The following PELI2 variants were observed in gnomAD, a reference collection of about 807,000 sequenced individuals.
PELI2 encodes the protein E3 ubiquitin-protein ligase pellino homolog 2.
A neutral mutation model predicts 42.3 loss-of-function variants in PELI2; 23 were observed. The ratio of observed to expected loss-of-function variants is 0.54; its 90% CI spans 0.39 to 0.77. PELI2 has a LOEUF of 0.77. PELI2 is among the 30% of genes least tolerant of loss of function. The pLI is 0.00. For synonymous variants in PELI2, 245 were observed against 212.2 expected (o/e 1.15, Z -1.34); for missense variants, 463 against 553.2 (o/e 0.84, Z 1.64).
intron 1 of PELI2, among the ~76,000 whole-genome samples, chr14:56,144,084 C>G (rs1374736145): frequency 6.6e-6 from 1 of 152,138 alleles, no homozygotes; most frequent in African/African-American, 2.4e-5. Context: ...TCATACTGTA[C>G]TACCGCTGAT....
intron 2 of PELI2, among the ~76,000 whole-genome samples, chr14:56,212,712 G>A (rs1245694220): frequency 1.3e-5 from 2 of 152,204 alleles, no homozygotes; most frequent in African/African-American, 2.4e-5. Context: ...CATGCAGGGC[G>A]TTAAGACTCT....
intron 2 of PELI2, among the ~76,000 whole-genome samples, chr14:56,189,137 TGACA>T (rs1475326499): frequency 6.6e-6 from 1 of 152,130 alleles, no homozygotes; most frequent in African/African-American, 2.4e-5. Context: ...CCAGCCTGGG[TGACA>T]GAACGAAACT....
intron 2 of PELI2, among the ~76,000 whole-genome samples, chr14:56,191,731 T>C (rs1191853396): frequency 6.6e-6 from 1 of 152,258 alleles, no homozygotes; most frequent in Non-Finnish European, 1.5e-5. Context: ...AATCTGGCAA[T>C]CTAAACTATA....
At chr14:56,173,943 C>T (rs1458605821) in intron 1 of PELI2, among the ~76,000 whole-genome samples, 1 of 152,182 alleles carries the variant, frequency 6.6e-6, no homozygotes, top group Non-Finnish European at 1.5e-5. Flanking sequence ...GCTCTGTCGC[C>T]CAGGCTGGAG....
Position 56,240,496 on chromosome 14 carries a change from G to C in PELI2, c.208-39180G>C, listed in dbSNP as rs111764774. On this transcript the variant is annotated intron_variant, in intron 2 of 5. Coordinates refer to ENST00000267460, the MANE Select transcript of PELI2 (RefSeq NM_021255.3). ...ATAGTTTCGGTGCAGTTACGGGGGT[G>C]AATTGCCATATTTTAGATGGTTGGT... 1.3e-3 allele frequency among the ~76,000 whole-genome samples: 205 copies of C among 152,262 alleles called. 3 individuals are homozygous for C. Among genetic ancestry groups the C allele is most frequent in the African/African-American group, 4.7e-3 (195 of 41,542 alleles).
chr14:56,221,028 A>G (rs1267029035), intron 2 of PELI2, among the ~76,000 whole-genome samples: 1 of 152,218 alleles, frequency 6.6e-6, no homozygotes. Flanking sequence ...ATTCTGTGCC[A>G]TGGACAGCTG....
At chr14:56,279,883 T>C (rs1312678543) in intron 3 of PELI2, 106 bp downstream of exon 3, 10 of 469,810 alleles carry the variant, frequency 2.1e-5, no homozygotes, top group Non-Finnish European at 3.8e-6. Context: ...GGGGAAAGAG[T>C]TGAAGATAAT....
At chr14:56,128,114 A>T (rs1883345646) in intron 1 of PELI2, among the ~76,000 whole-genome samples, 1 of 152,188 alleles carries the variant, frequency 6.6e-6, no homozygotes, top group Non-Finnish European at 1.5e-5. Context: ...GGAATTAAGC[A>T]CTATCTAAAC....
At chr14:56,256,831 G>A (rs1888541878) in intron 2 of PELI2, among the ~76,000 whole-genome samples, 1 of 152,054 alleles carries the variant, frequency 6.6e-6, no homozygotes, top group South Asian at 2.1e-4. Context: ...CTTTTAAAGT[G>A]GCAGCTTTTT....
At chr14:56,202,380 TA>T (rs1886360362) in intron 2 of PELI2, among the ~76,000 whole-genome samples, 1 of 152,186 alleles carries the variant, frequency 6.6e-6, no homozygotes, top group Non-Finnish European at 1.5e-5. Flanking sequence ...CTAATGGCTT[TA>T]CACCTCCTCT....
At chr14:56,151,251 G>GC (rs1884340243) in intron 1 of PELI2, among the ~76,000 whole-genome samples, 1 of 152,040 alleles carries the variant, frequency 6.6e-6, no homozygotes, top group Admixed American at 6.6e-5. Flanking sequence ...CCCTCCCTCG[G>GC]CCCCCATTTA....
At chr14:56,136,518 A>G (rs1883693416) in intron 1 of PELI2, among the ~76,000 whole-genome samples, 1 of 152,208 alleles carries the variant, frequency 6.6e-6, no homozygotes, top group South Asian at 2.1e-4. Context: ...CATATGTGAT[A>G]TATCATTCTT....
chr14:56,182,826 A>T (rs1441728486), intron 2 of PELI2, among the ~76,000 whole-genome samples: 2 of 152,162 alleles, frequency 1.3e-5, no homozygotes, highest in Non-Finnish European at 2.9e-5. Context: ...TTTCAACATA[A>T]ACTCATTCAC....
rs551838333 is a variant in PELI2 at position 56,188,774 on chromosome 14, T to C, written c.207+10310T>C. On this transcript the variant is annotated intron_variant, in intron 2 of 5. Coordinates refer to ENST00000267460, the MANE Select transcript of PELI2 (RefSeq NM_021255.3). Reference sequence around the variant, plus strand: ...CTGAGTGAAAGTGTGGGCTTTCAAATGTAGATTTTTTGAATGTTTAGTTTC... The same window carrying C: ...CTGAGTGAAAGTGTGGGCTTTCAAACGTAGATTTTTTGAATGTTTAGTTTC... Among the ~76,000 whole-genome samples the C allele has an allele frequency of 2.0e-5, 3 of 152,334 alleles. No homozygotes were observed. In the East Asian group the frequency reaches 5.8e-4, roughly 29 times the overall value.
At chr14:56,207,792 G>C (rs552914431) in intron 2 of PELI2, among the ~76,000 whole-genome samples, 2 of 152,296 alleles carry the variant, frequency 1.3e-5, no homozygotes, top group East Asian at 3.9e-4. Context: ...AAGAGTGCCT[G>C]CATCCACAGG....
chr14:56,257,728 G>C (rs528844508), intron 2 of PELI2, among the ~76,000 whole-genome samples: 1 of 152,316 alleles, frequency 6.6e-6, no homozygotes, highest in Non-Finnish European at 1.5e-5. Flanking sequence ...CCTGAGAGAA[G>C]GGAAATAAGT....
At chr14:56,220,491 C>T (rs912648124) in intron 2 of PELI2, among the ~76,000 whole-genome samples, 3 of 151,988 alleles carry the variant, frequency 2.0e-5, no homozygotes, top group African/African-American at 7.3e-5. Flanking sequence ...CAATAGCTTC[C>T]CTGTGTTTTG....
chr14:56,185,518 C>T (rs1885741770), intron 2 of PELI2, among the ~76,000 whole-genome samples: 1 of 152,118 alleles, frequency 6.6e-6, no homozygotes, highest in African/African-American at 2.4e-5. Flanking sequence ...AGCAGCATAC[C>T]TACTTATCAT....
chr14:56,292,068 T>TTA (rs1334454656), intron 5 of PELI2, among the ~76,000 whole-genome samples: 1 of 152,224 alleles, frequency 6.6e-6, no homozygotes, highest in African/African-American at 2.4e-5. Context: ...TCCACTCTGG[T>TTA]TATTGTGTAA....
Sources: allele counts gnomAD v4.1 joint callset (sites outside exome capture counted in the v4.1 genomes callset), GRCh38; gene constraint gnomAD v4.1.1; transcripts MANE v1.5; gene names NCBI Gene and HGNC (gene_info 2026-07-23, HGNC 2026-07-21).